SLC9D1: variants seen among roughly 807,000 people sequenced by gnomAD.
SLC9D1 encodes the protein solute carrier family 9 member D1.
the SLC9D1 span, among the ~76,000 whole-genome samples, chr13:113,517,735 A>G: frequency 6.6e-6 from 1 of 152,176 alleles, no homozygotes; most frequent in African/African-American, 2.4e-5. Context: ...CTCCAGATCT[A>G]TAGGTGTTAA....
the SLC9D1 span, chr13:113,524,282 A>G: frequency 7.4e-6 from 3 of 406,492 alleles, no homozygotes; most frequent in Non-Finnish European, 1.5e-5. Flanking sequence ...TGTTTGGTAC[A>G]TACACATTTA....
the SLC9D1 span, among the ~76,000 whole-genome samples, chr13:113,521,738 G>A: frequency 1.2e-4 from 19 of 152,166 alleles, no homozygotes; most frequent in African/African-American, 4.6e-4. Flanking sequence ...AAAGTTGTAG[G>A]TTGTGCCGCA....
the SLC9D1 span, chr13:113,539,212 C>G: frequency 4.1e-6 from 3 of 739,570 alleles, no homozygotes; most frequent in South Asian, 1.9e-5. This position sits in a 1 kb window ranked among gnomAD's most constrained non-coding sequence, Gnocchi z 4.8. Flanking sequence ...AGCAGACGAC[C>G]CAGGACCAGA....
the SLC9D1 span, among the ~76,000 whole-genome samples, chr13:113,532,287 G>A: frequency 2.6e-5 from 4 of 152,208 alleles, no homozygotes; most frequent in South Asian, 8.3e-4. Context: ...AGGAGCTGGT[G>A]AGCAGCCGTG....
chr13:113,491,675 T>C, the SLC9D1 span, among the ~76,000 whole-genome samples: 19 of 152,334 alleles, frequency 1.2e-4, no homozygotes, highest in South Asian at 1.5e-3. Context: ...GCCCACGTTC[T>C]AACCTGGAAT....
chr13:113,539,613 T>A, the SLC9D1 span: 2 of 1,259,910 alleles, frequency 1.6e-6, no homozygotes, highest in Non-Finnish European at 2.2e-6. This position sits in a 1 kb window ranked among gnomAD's most constrained non-coding sequence, Gnocchi z 4.8. Flanking sequence ...ATGGTTATCT[T>A]AAAAATTAAG....
At chr13:113,531,547 C>G in the SLC9D1 span, among the ~76,000 whole-genome samples, 2 of 151,244 alleles carry the variant, frequency 1.3e-5, no homozygotes, top group Non-Finnish European at 2.9e-5. Flanking sequence ...GAGCAGCACA[C>G]GCGTGGACCT....
the SLC9D1 span, chr13:113,535,399 T>G: frequency 6.6e-6 from 1 of 152,148 alleles, no homozygotes. The surrounding 1 kb of genome is among the most constrained non-coding windows in gnomAD (Gnocchi z 4.1). Flanking sequence ...CCGTCACCAT[T>G]GTCCCAACAG....
chr13:113,492,921 AAC>A, the SLC9D1 span, among the ~76,000 whole-genome samples: 1 of 152,196 alleles, frequency 6.6e-6, no homozygotes, highest in African/African-American at 2.4e-5. Flanking sequence ...CAACAAAAAA[AAC>A]ACATTACAGG....
At chr13:113,538,426 G>A in the SLC9D1 span, among the ~76,000 whole-genome samples, 1 of 152,264 alleles carries the variant, frequency 6.6e-6, no homozygotes, top group South Asian at 2.1e-4. Context: ...GGCTCTATTC[G>A]TGCTCTTTCC....
the SLC9D1 span, among the ~76,000 whole-genome samples, chr13:113,494,429 G>C: frequency 6.6e-6 from 1 of 152,110 alleles, no homozygotes; most frequent in Non-Finnish European, 1.5e-5. Flanking sequence ...TCCTGTCTGG[G>C]TGCCTTGCCC....
chr13:113,494,591 AAAGG>A, the SLC9D1 span, among the ~76,000 whole-genome samples: 1 of 152,178 alleles, frequency 6.6e-6, no homozygotes, highest in Non-Finnish European at 1.5e-5. Context: ...ATTCCTAAAG[AAAGG>A]AAGAGAAGGA....
At chr13:113,506,930 G>T in the SLC9D1 span, among the ~76,000 whole-genome samples, 1 of 152,098 alleles carries the variant, frequency 6.6e-6, no homozygotes, top group Non-Finnish European at 1.5e-5. Context: ...CTGCTTGGTG[G>T]TGTAGACTCG....
the SLC9D1 span, chr13:113,527,873 CA>C: frequency 6.6e-6 from 1 of 152,218 alleles, no homozygotes; most frequent in Non-Finnish European, 1.5e-5. Context: ...TGTGTTCAGG[CA>C]GATGAATTCT....
chr13:113,539,427 G>A, the SLC9D1 span: 37 of 1,613,488 alleles, frequency 2.3e-5, no homozygotes, highest in Admixed American at 6.7e-5. This position sits in a 1 kb window ranked among gnomAD's most constrained non-coding sequence, Gnocchi z 4.8. Context: ...TCCTCTCAGG[G>A]CCCCGTGGTC....
the SLC9D1 span, among the ~76,000 whole-genome samples, chr13:113,530,876 G>C: frequency 1.3e-5 from 2 of 152,202 alleles, no homozygotes; most frequent in Admixed American, 1.3e-4. Flanking sequence ...GCAGCTATTA[G>C]ACTTGAGTAA....
chr13:113,501,843 G>T, the SLC9D1 span: 2 of 1,612,094 alleles, frequency 1.2e-6, no homozygotes, highest in Middle Eastern at 1.6e-4. Flanking sequence ...ATTATTTGTG[G>T]TGTACTTCTG....
At chr13:113,547,277 C>T in the SLC9D1 span, 9 of 1,600,782 alleles carry the variant, frequency 5.6e-6, no homozygotes, top group East Asian at 4.5e-5. Context: ...GCGGTCGTAA[C>T]GTGTCTGTCC....
At chr13:113,502,307 G>C in the SLC9D1 span, among the ~76,000 whole-genome samples, 1 of 152,050 alleles carries the variant, frequency 6.6e-6, no homozygotes, top group African/African-American at 2.4e-5. Flanking sequence ...TCCGCCTCCC[G>C]GGTTCACATG....
Sources: gnomAD v4.1 joint callset for allele counts (sites outside exome capture counted in the v4.1 genomes callset) on GRCh38, gnomAD v4.1.1 for gene constraint, Gnocchi (gnomAD v3.1) non-coding constraint, MANE v1.5 for transcripts, NCBI Gene and HGNC (gene_info 2026-07-23, HGNC 2026-07-21) for gene names.